The following KLRG1 variants were observed in gnomAD, a reference collection of about 807,000 sequenced individuals.
The protein encoded by KLRG1 is killer cell lectin-like receptor subfamily G member 1.
In KLRG1, 16 loss-of-function variants were observed where a neutral mutation model predicts 21.8. The ratio of observed to expected loss-of-function variants is 0.73; its 90% confidence interval spans 0.50 to 1.11. The LOEUF is 1.11. Ranked by LOEUF, KLRG1 falls within the 50% of genes most tolerant of loss-of-function variation. KLRG1 has a pLI of 0.00. For synonymous variants in KLRG1, 69 were observed against 75.9 expected, an observed-to-expected ratio of 0.91 and a Z score of 0.47; for missense variants, 173 against 218.3, an observed-to-expected ratio of 0.79 and a Z score of 1.31.
chr12:9,079,787 GT>G, the KLRG1 span: 2 of 1,611,548 alleles, frequency 1.2e-6, no homozygotes, highest in Non-Finnish European at 1.7e-6. Context: ...GATTTTGTGT[GT>G]TTTGCATGGC....
the KLRG1 span, chr12:9,098,854 C>T: frequency 1.4e-5 from 19 of 1,389,688 alleles, no homozygotes; most frequent in Non-Finnish European, 1.9e-5. Context: ...AATGTATAAC[C>T]ACTCTGCTTG....
At chr12:9,203,191 T>G in the KLRG1 span, among the ~76,000 whole-genome samples, 2 of 152,168 alleles carry the variant, frequency 1.3e-5, no homozygotes, top group African/African-American at 4.8e-5. Context: ...CTCCTCTAAG[T>G]CATGAAATTT....
At chr12:9,020,174 G>A in the KLRG1 span, among the ~76,000 whole-genome samples, 1 of 152,090 alleles carries the variant, frequency 6.6e-6, no homozygotes, top group South Asian at 2.1e-4. Flanking sequence ...GGCCTCCTGA[G>A]TCTCTGGGAT....
the KLRG1 span, chr12:9,098,748 C>T: frequency 6.2e-7 from 1 of 1,612,614 alleles, no homozygotes; most frequent in Non-Finnish European, 8.5e-7. Flanking sequence ...GGCTGAAGCT[C>T]AAATCCACCT....
At chr12:9,020,603 T>G in the KLRG1 span, among the ~76,000 whole-genome samples, 1 of 152,250 alleles carries the variant, frequency 6.6e-6, no homozygotes, top group Non-Finnish European at 1.5e-5. Context: ...AATATTTTAC[T>G]CTTTTTTATT....
the KLRG1 span, among the ~76,000 whole-genome samples, chr12:9,207,574 A>G: frequency 6.6e-6 from 1 of 152,234 alleles, no homozygotes; most frequent in East Asian, 1.9e-4. Flanking sequence ...TGAACACACA[A>G]GAGAAACCAG....
the KLRG1 span, among the ~76,000 whole-genome samples, chr12:9,124,510 G>A: frequency 6.6e-6 from 1 of 152,220 alleles, no homozygotes; most frequent in Non-Finnish European, 1.5e-5. Flanking sequence ...CTGCAGACCT[G>A]GGCCTACTGC....
chr12:9,182,072 G>A, the KLRG1 span: 2 of 1,613,726 alleles, frequency 1.2e-6, no homozygotes, highest in South Asian at 1.1e-5. Flanking sequence ...TGCAATGGGG[G>A]CAACGTCTGA....
the KLRG1 span, chr12:9,160,417 G>C: frequency 1.9e-6 from 3 of 1,613,946 alleles, no homozygotes; most frequent in Non-Finnish European, 1.7e-6. Flanking sequence ...ATAGGACCAT[G>C]TTCTGTTCTC....
the KLRG1 span, chr12:9,181,068 G>A: frequency 1.2e-6 from 2 of 1,614,184 alleles, no homozygotes; most frequent in African/African-American, 2.7e-5. Flanking sequence ...CTGCGGAGCA[G>A]CTGCTACTTG....
chr12:9,202,284 A>G, the KLRG1 span: 2 of 1,570,540 alleles, frequency 1.3e-6, no homozygotes, highest in African/African-American at 1.4e-5. Context: ...TTCCCACTCT[A>G]CCCACAACCC....
At chr12:9,061,390 G>C in the KLRG1 span, among the ~76,000 whole-genome samples, 9 of 152,242 alleles carry the variant, frequency 5.9e-5, no homozygotes, top group South Asian at 1.7e-3. Context: ...CTCCCAAAGT[G>C]CTAGGATTAC....
chr12:9,047,382 A>C, the KLRG1 span, among the ~76,000 whole-genome samples: 1 of 152,224 alleles, frequency 6.6e-6, no homozygotes, highest in Admixed American at 6.5e-5. Flanking sequence ...GTAAATGTAT[A>C]TTGCAAACTC....
At chr12:9,160,553 A>T in the KLRG1 span, 1 of 1,466,956 alleles carries the variant, frequency 6.8e-7, no homozygotes, top group Non-Finnish European at 9.3e-7. Flanking sequence ...AACATTATTA[A>T]CAAAAATGGC....
chr12:9,072,457 T>C, the KLRG1 span: 7 of 1,612,868 alleles, frequency 4.3e-6, no homozygotes, highest in Non-Finnish European at 4.2e-6. Context: ...ACTCTTCCTT[T>C]TCTGGGAGAA....
chr12:8,996,409 T>C (rs1947131877), intron 3 of KLRG1: 1 of 152,346 alleles, frequency 6.6e-6, no homozygotes, highest in South Asian at 2.1e-4. Flanking sequence ...CTGATTTTTG[T>C]GTTTTGCTAT....
the KLRG1 span, among the ~76,000 whole-genome samples, chr12:9,070,978 G>T: frequency 0.29 from 44,186 of 151,920 alleles, 7,059 homozygotes; most frequent in Admixed American, 0.35. Flanking sequence ...GCACCACCAC[G>T]TCCGACTAAT....
the KLRG1 span, chr12:9,115,563 A>T: frequency 5.8e-6 from 3 of 521,704 alleles, no homozygotes; most frequent in South Asian, 6.7e-5. Context: ...AAGGCTTTGC[A>T]TATTAGAGCT....
chr12:9,127,389 C>T, the KLRG1 span, among the ~76,000 whole-genome samples: 2 of 152,164 alleles, frequency 1.3e-5, no homozygotes, highest in East Asian at 3.8e-4. Flanking sequence ...GTTTTATCAG[C>T]CCTTTTTTGG....
Sources: allele counts gnomAD v4.1 joint callset (sites outside exome capture counted in the v4.1 genomes callset), GRCh38; gene constraint gnomAD v4.1.1; transcripts MANE v1.5; gene names NCBI Gene and HGNC (gene_info 2026-07-23, HGNC 2026-07-21).